KLHL13: variants seen among roughly 807,000 people sequenced by gnomAD.
The protein encoded by KLHL13 is kelch-like protein 13.
In KLHL13, 10 loss-of-function variants were observed where a neutral mutation model predicts 37.1. The ratio of observed to expected loss-of-function variants is 0.27; its 90% confidence interval spans 0.17 to 0.46. The LOEUF (loss-of-function observed/expected upper bound fraction) is 0.46, where lower values mean the gene tolerates loss of function less well. KLHL13 is among the 20% of genes least tolerant of loss of function. The pLI is 1.00. For synonymous variants in KLHL13, 163 were observed against 181.2 expected (o/e 0.90, Z 0.81); for missense variants, 360 against 509.3 (o/e 0.71, Z 2.82).
intron 6 of KLHL13, among the ~76,000 whole-genome samples, chrX:117,900,928 T>G (rs1930047389): frequency 9.0e-6 from 1 of 111,415 alleles, no homozygotes; most frequent in African/African-American, 3.3e-5. Context: ...AGAAAGAAAT[T>G]CTACAGTAGA....
At chrX:118,020,910 A>G (rs1043490011) in intron 1 of KLHL13, among the ~76,000 whole-genome samples, 1 of 101,231 alleles carries the variant, frequency 9.9e-6, no homozygotes, top group Non-Finnish European at 2.0e-5. Flanking sequence ...CAAACACCGC[A>G]TATTCTCACT....
At chrX:118,034,226 C>A (rs1457710389) in intron 1 of KLHL13, among the ~76,000 whole-genome samples, 11 of 105,735 alleles carry the variant, frequency 1.0e-4, no homozygotes, top group Non-Finnish European at 2.1e-4. Context: ...GAACTCAGCT[C>A]TGCACCAAGC....
At chrX:118,022,698 C>G (rs1602659619) in intron 1 of KLHL13, among the ~76,000 whole-genome samples, 1 of 111,995 alleles carries the variant, frequency 8.9e-6, no homozygotes, top group African/African-American at 3.2e-5. Context: ...TGGTGTGTTT[C>G]TTTTCTACTG....
intron 1 of KLHL13, among the ~76,000 whole-genome samples, chrX:118,061,533 G>A (rs1392045750): frequency 8.9e-6 from 1 of 111,799 alleles, no homozygotes; most frequent in African/African-American, 3.2e-5. Flanking sequence ...TTAGGACAAA[G>A]TCTTTACGGA....
intron 1 of KLHL13, among the ~76,000 whole-genome samples, chrX:118,027,423 C>A (rs137969491): frequency 0.018 from 1,949 of 111,071 alleles, 37 homozygotes; most frequent in African/African-American, 0.06. Context: ...TGGTTAAATT[C>A]CCAGGACGCT....
chrX:118,094,862 G>A (rs1160758206), intron 1 of KLHL13, among the ~76,000 whole-genome samples: 3 of 111,211 alleles, frequency 2.7e-5, no homozygotes, highest in Non-Finnish European at 5.7e-5. Flanking sequence ...TCACCACCAG[G>A]CCTGCCCTAA....
At chrX:118,014,861 C>T (rs1456366966) in intron 1 of KLHL13, among the ~76,000 whole-genome samples, 1 of 112,497 alleles carries the variant, frequency 8.9e-6, no homozygotes, top group African/African-American at 3.2e-5. Context: ...CACAGAATGG[C>T]TTATGCCATG....
At chrX:117,942,226 C>T (rs1224732412) in intron 2 of KLHL13, among the ~76,000 whole-genome samples, 1 of 111,677 alleles carries the variant, frequency 9.0e-6, no homozygotes, top group African/African-American at 3.3e-5. Flanking sequence ...TTTACACTTA[C>T]TGAGGAGTGT....
chrX:117,956,612 AAAAAGAGAAGTATTC>A lies in KLHL13; in HGVS notation c.99-11052_99-11038del, dbSNP rs2053209309. 3.6e-5 allele frequency among the ~76,000 whole-genome samples: 4 copies of A among 112,426 alleles called. No individual in the cohort carries two copies. The South Asian group carries it at 1.5e-3, about 41-fold the overall frequency. ...ACCTTAATCTGTGTGAGATAAATGA[AAAAAGAGAAGTATTC>A]CTTTCCTTCCTTTTATACAGTCCTT... On this transcript the variant is annotated intron_variant, in intron 1 of 6. Coordinates refer to ENST00000262820, the Ensembl canonical transcript of KLHL13.
chrX:118,039,279 C>T (rs7056771), intron 1 of KLHL13, among the ~76,000 whole-genome samples: 2,994 of 111,899 alleles, frequency 0.027, 99 homozygotes, highest in African/African-American at 0.092. Flanking sequence ...ACCAAGCAGG[C>T]TCCTACAGTC....
chrX:117,948,605 T>C (rs1933435285), intron 1 of KLHL13, among the ~76,000 whole-genome samples: 1 of 111,650 alleles, frequency 9.0e-6, no homozygotes, highest in South Asian at 3.8e-4. Flanking sequence ...CCCTACAAGA[T>C]TATTCATGGG....
chrX:118,071,349 T>A (rs2054862264), intron 1 of KLHL13, among the ~76,000 whole-genome samples: 1 of 111,396 alleles, frequency 9.0e-6, no homozygotes, highest in South Asian at 3.8e-4. Context: ...TCCACAATGG[T>A]TGAACTAGTT....
chrX:117,980,493 T>C (rs1483531070), intron 1 of KLHL13, among the ~76,000 whole-genome samples: 4 of 111,728 alleles, frequency 3.6e-5, no homozygotes, highest in Non-Finnish European at 7.5e-5. Flanking sequence ...ATAAATGTTA[T>C]AACCAAAAAT....
At chrX:117,976,328 T>A (rs1401921391), upstream of KLHL13, among the ~76,000 whole-genome samples, 1 of 112,236 alleles carries the variant, frequency 8.9e-6, no homozygotes, top group Non-Finnish European at 1.9e-5. Flanking sequence ...ATACAGTTCA[T>A]GAACAACACT....
chrX:117,902,336 G>A (rs1387717154), intron 5 of KLHL13, among the ~76,000 whole-genome samples: 2 of 111,833 alleles, frequency 1.8e-5, no homozygotes, highest in African/African-American at 3.2e-5. Flanking sequence ...GGGTCCCCAT[G>A]TTGATAGAAA....
At chrX:117,913,176 T>C (rs1249207098) in intron 4 of KLHL13, among the ~76,000 whole-genome samples, 4 of 110,225 alleles carry the variant, frequency 3.6e-5, no homozygotes, top group Non-Finnish European at 7.6e-5. Flanking sequence ...TATTCTATTA[T>C]GGTTCATTTT....
chrX:117,923,660 T>C (rs1207961870), intron 2 of KLHL13, among the ~76,000 whole-genome samples: 1 of 111,781 alleles, frequency 8.9e-6, no homozygotes, highest in African/African-American at 3.2e-5. Context: ...TACTTTTTTT[T>C]CCCTCTGAAA....
intron 1 of KLHL13, among the ~76,000 whole-genome samples, chrX:117,948,912 A>G (rs773294434): frequency 8.9e-6 from 1 of 112,167 alleles, no homozygotes; most frequent in East Asian, 2.8e-4. Context: ...GGTCAAACCA[A>G]ACATACACAG....
intron 2 of KLHL13, among the ~76,000 whole-genome samples, chrX:117,929,311 T>C (rs1932261251): frequency 9.0e-6 from 1 of 111,630 alleles, no homozygotes; most frequent in Non-Finnish European, 1.9e-5. Context: ...GGAGAGCATA[T>C]ATCCCAAGTT....
Sources: allele counts gnomAD v4.1 joint callset (sites outside exome capture counted in the v4.1 genomes callset), GRCh38; gene constraint gnomAD v4.1.1; transcripts MANE v1.5; gene names NCBI Gene and HGNC (gene_info 2026-07-23, HGNC 2026-07-21).